Variants in PGLS observed in about 807,000 individuals in gnomAD.
PGLS encodes 6-phosphogluconolactonase, also known as epididymis secretory protein Li 304.
PGLS carries 21 observed loss-of-function variants against 23.2 expected under a neutral mutation model. The ratio of observed to expected loss-of-function variants is 0.91; its 90% confidence interval spans 0.64 to 1.31. The LOEUF (loss-of-function observed/expected upper bound fraction) is 1.31, where lower values mean the gene tolerates loss of function less well. PGLS is among the 50% of genes most tolerant of loss of function. The probability of loss-of-function intolerance (pLI) is 0.00; values close to 1 mark genes in which losing one functional copy is unlikely to be tolerated. For synonymous variants in PGLS, 179 were observed against 165.4 expected, an observed-to-expected ratio of 1.08 and a Z score of -0.63; for missense variants, 410 against 354.0, an observed-to-expected ratio of 1.16 and a Z score of -1.27.
intron 4 of PGLS, among the ~76,000 whole-genome samples, chr19:17,519,024 A>G (rs1255201097): frequency 6.6e-6 from 1 of 152,090 alleles, no homozygotes; most frequent in Non-Finnish European, 1.5e-5. Context: ...TCCAAAAAAA[A>G]TAAATCAGGC....
At chr19:17,516,571 C>T (rs2075533524) in intron 2 of PGLS, 1 of 1,025,124 alleles carries the variant, frequency 9.8e-7, no homozygotes, top group Non-Finnish European at 1.2e-6. Flanking sequence ...TGCGTTACAG[C>T]TACTTGTATT....
intron 3 of PGLS, 130 bp downstream of exon 3, chr19:17,517,519 A>C: frequency 1.1e-6 from 1 of 928,008 alleles, no homozygotes; most frequent in Non-Finnish European, 1.7e-6. Context: ...CCACCAACAT[A>C]CCTGCCTGCT....
intron 3 of PGLS, 119 bp downstream of exon 3, chr19:17,517,508 T>G: frequency 1.0e-6 from 1 of 957,720 alleles, no homozygotes; most frequent in Non-Finnish European, 1.6e-6. Context: ...CAAGTCAGCC[T>G]CCACCAACAT....
At chr19:17,514,520 C>T (rs983000029) in intron 1 of PGLS, among the ~76,000 whole-genome samples, 133 of 149,642 alleles carry the variant, frequency 8.9e-4, no homozygotes, top group African/African-American at 3.0e-3. Context: ...GAGATAGGAT[C>T]TTGTTGTGTT....
chr19:17,517,901 A>C, intron 4 of PGLS, 51 bp downstream of exon 4: 2 of 1,598,622 alleles, frequency 1.3e-6, no homozygotes, highest in Non-Finnish European at 1.7e-6. Flanking sequence ...TGTGGGCCCC[A>C]GGGACAGAAA....
chr19:17,517,757 G>A lies in PGLS; in HGVS notation c.546G>A (p.Pro182=), dbSNP rs140587386. The A allele has an allele frequency of 5.9e-4, 945 of 1,614,076 alleles. 4 individuals are homozygous for A. In the Middle Eastern group the frequency reaches 8.2e-3, roughly 14 times the overall value. ...VAPISDSPKP[P]PQRVTLTLPV... is the part of the protein sequence containing the mutation. ...CCATCAGTGACTCCCCGAAGCCACC[G>A]CCACAGCGTGTGACCCTCACACTAC... The change falls in exon 4 of 5, where the codon CCG becomes CCA. Residue 182 remains proline (P), a synonymous_variant. Transcript: ENST00000252603.
intron 4 of PGLS, 88 bp downstream of exon 4, chr19:17,517,938 G>A (rs2075541109): frequency 2.2e-6 from 3 of 1,335,148 alleles, no homozygotes; most frequent in Non-Finnish European, 3.1e-6. Context: ...TTGTGCTGAA[G>A]CATCAGATCT....
chr19:17,513,808 ACT>A (rs758493342), intron 1 of PGLS, among the ~76,000 whole-genome samples: 6 of 152,050 alleles, frequency 3.9e-5, no homozygotes, highest in South Asian at 2.1e-4. Context: ...GACAGTTGAG[ACT>A]CTGTCTCAAA....
intron 1 of PGLS, among the ~76,000 whole-genome samples, chr19:17,514,411 T>G (rs182673089): frequency 2.9e-4 from 40 of 137,178 alleles, no homozygotes; most frequent in African/African-American, 1.0e-3. Flanking sequence ...AAGACCCTAT[T>G]TCCTTCCTTC....
chr19:17,511,754 C>A lies in PGLS; in HGVS notation c.82C>A (p.Gln28Lys). 6.7e-7 allele frequency: 1 copy of A among 1,499,860 alleles called. No individual in the cohort carries two copies. The allele number at this position is 1,499,860 out of a possible 1,614,324, so 92.9% of individuals were successfully genotyped here. A position where few individuals can be genotyped will look rare whatever the true frequency, so the allele number is the denominator to read the frequency against. ...TGCGGCGCTAGCGCAGCTGGTGGCC[C>A]AGCGCGCAGCATGCTGCCTGGCAGG... is the stretch of plus-strand genomic sequence containing the variant. ...LGAALAQLVA[Q>K]RAACCLAGAR... Residue 28 changes from glutamine (Q) to lysine (K), a missense_variant, in exon 1 of 5, where the codon CAG becomes AAG. Coordinates refer to ENST00000252603, the MANE Select transcript of PGLS (RefSeq NM_012088.3).
Position 17,517,369 on chromosome 19 carries a change from C to G in PGLS, c.478C>G (p.Pro160Ala). The G allele has an allele frequency of 6.2e-7, 1 of 1,613,484 alleles. No individual in the cohort carries two copies. Among genetic ancestry groups the G allele is most frequent in the Non-Finnish European group, 8.5e-7 (1 of 1,179,496 alleles). The change falls in exon 3 of 5, where the codon CCA (proline) becomes GCA (alanine). Residue 160 changes from proline (P) to alanine (A), a missense_variant. Physicochemically the swap from Pro to Ala is conservative, Grantham distance 27 (BLOSUM62 -1). Transcript: ENST00000252603. ...CGATGGTCACACCTGCTCACTCTTC[C>G]CAGACCACCCCCTCCTACAGGTGAG... ...GPDGHTCSLF[P>A]DHPLLQEREK... is the part of the protein sequence containing the mutation.
intron 4 of PGLS, 40 bp downstream of exon 4, chr19:17,517,890 A>G: frequency 6.2e-7 from 1 of 1,607,984 alleles, no homozygotes; most frequent in Non-Finnish European, 8.5e-7. Context: ...GTTCATGGGC[A>G]TGTGGGCCCC....
At chr19:17,515,558 C>G (rs1009312042) in intron 1 of PGLS, among the ~76,000 whole-genome samples, 1 of 152,178 alleles carries the variant, frequency 6.6e-6, no homozygotes, top group African/African-American at 2.4e-5. Context: ...GCCTGGCCCC[C>G]ACTCCCTGTA....
intron 2 of PGLS, chr19:17,516,500 T>TG (rs1290847796): frequency 7.4e-7 from 1 of 1,354,322 alleles, no homozygotes; most frequent in African/African-American, 1.5e-5. Context: ...CCTCACATCT[T>TG]GGGGAAATAT....
In PGLS at chr19:17,517,801, G is replaced by A. The variant is rs756046118; in HGVS notation, c.590G>A (p.Arg197Gln). ...ACACTACCTGTCCTGAATGCAGCAC[G>A]AACTGTCATCTTTGTGGCAACTGGA... is the stretch of plus-strand genomic sequence containing the variant. ...TLTLPVLNAARTVIFVATGEG... is the reference protein window; with the variant it reads ...TLTLPVLNAAQTVIFVATGEG... The change falls in exon 4 of 5, where the codon CGA becomes CAA. Residue 197 changes from arginine (R) to glutamine (Q), a missense_variant. Arg to Gln is a conservative substitution (Grantham distance 43). Transcript: ENST00000252603. 2.9e-5 allele frequency: 47 copies of A among 1,614,068 alleles called. No homozygotes were observed. In the East Asian group the frequency reaches 3.8e-4, roughly 13 times the overall value.
chr19:17,513,600 C>T (rs1194974773), intron 1 of PGLS, among the ~76,000 whole-genome samples: 2 of 151,780 alleles, frequency 1.3e-5, no homozygotes, highest in Admixed American at 6.6e-5. Flanking sequence ...TGGTGGATCA[C>T]CTGAGGTCAG....
intron 3 of PGLS, 88 bp from the exon 4 acceptor site, chr19:17,517,622 T>C (rs2075539246): frequency 6.9e-7 from 1 of 1,441,266 alleles, no homozygotes; most frequent in Non-Finnish European, 9.6e-7. Flanking sequence ...GATGGAACAG[T>C]GGCTGGACCA....
chr19:17,517,146 G>T (rs1006211482), intron 2 of PGLS, 142 bp from the exon 3 acceptor site: 12 of 656,074 alleles, frequency 1.8e-5, no homozygotes, highest in South Asian at 1.2e-4. Context: ...GCCTCCCAAA[G>T]TGCTGGGATT....
At chr19:17,517,945 A>C (rs2075541149) in intron 4 of PGLS, 95 bp downstream of exon 4, 1 of 1,253,518 alleles carries the variant, frequency 8.0e-7, no homozygotes, top group African/African-American at 1.5e-5. Flanking sequence ...GAAGCATCAG[A>C]TCTGAAGAAA....
Sources: gnomAD v4.1 joint callset for allele counts (sites outside exome capture counted in the v4.1 genomes callset) on GRCh38, gnomAD v4.1.1 for gene constraint, MANE v1.5 for transcripts, NCBI Gene and HGNC (gene_info 2026-07-23, HGNC 2026-07-21) for gene names.